MYMX: variants seen among roughly 807,000 people sequenced by gnomAD.
MYMX encodes myomixer, myoblast fusion factor, also known as protein myomixer.
At chr6:44,195,897 A>T in the MYMX span, among the ~76,000 whole-genome samples, 3 of 151,734 alleles carry the variant, frequency 2.0e-5, no homozygotes, top group Non-Finnish European at 2.9e-5. Flanking sequence ...GTTGTTTCTA[A>T]TTTTTTTTGT....
the MYMX span, among the ~76,000 whole-genome samples, chr6:44,198,454 C>T: frequency 5.0e-4 from 76 of 151,744 alleles, no homozygotes; most frequent in African/African-American, 1.7e-3. Context: ...CGTGAGCCAC[C>T]GTGCCTGGCC....
At chr6:44,200,923 C>A in the MYMX span, among the ~76,000 whole-genome samples, 1 of 152,154 alleles carries the variant, frequency 6.6e-6, no homozygotes, top group East Asian at 1.9e-4. Flanking sequence ...ATACAAGCTC[C>A]TTTCCTGGGC....
upstream of MYMX, among the ~76,000 whole-genome samples, chr6:44,215,891 T>C (rs1256658281): frequency 6.6e-6 from 1 of 152,106 alleles, no homozygotes; most frequent in East Asian, 1.9e-4. Context: ...TGAGACTCCG[T>C]CTCAAATAAT....
At chr6:44,199,142 G>A in the MYMX span, among the ~76,000 whole-genome samples, 1 of 152,088 alleles carries the variant, frequency 6.6e-6, no homozygotes, top group Non-Finnish European at 1.5e-5. Context: ...CATATTACCA[G>A]ATTGGCCAGA....
chr6:44,194,084 C>T, the MYMX span, among the ~76,000 whole-genome samples: 1 of 152,272 alleles, frequency 6.6e-6, no homozygotes, highest in Non-Finnish European at 1.5e-5. Flanking sequence ...AAGAACTATT[C>T]CAATATTTTC....
At chr6:44,207,039 G>A in the MYMX span, among the ~76,000 whole-genome samples, 1 of 152,204 alleles carries the variant, frequency 6.6e-6, no homozygotes, top group African/African-American at 2.4e-5. Flanking sequence ...CCCAGAGAGA[G>A]GACAACTGCT....
the MYMX span, among the ~76,000 whole-genome samples, chr6:44,200,526 G>A: frequency 1.3e-5 from 2 of 151,990 alleles, no homozygotes; most frequent in Non-Finnish European, 2.9e-5. Context: ...TGTTGGTCAG[G>A]CTGGTCTCAA....
chr6:44,203,863 T>A, the MYMX span, among the ~76,000 whole-genome samples: 1 of 152,206 alleles, frequency 6.6e-6, no homozygotes, highest in East Asian at 1.9e-4. Flanking sequence ...TTTATTTATT[T>A]TTGAGACAGA....
the MYMX span, among the ~76,000 whole-genome samples, chr6:44,192,920 A>G: frequency 1.3e-5 from 2 of 152,174 alleles, no homozygotes; most frequent in African/African-American, 4.8e-5. Flanking sequence ...GTGTTGACTA[A>G]AGCAACCAAT....
chr6:44,213,186 C>G (rs1445488077), upstream of MYMX, among the ~76,000 whole-genome samples: 1 of 151,710 alleles, frequency 6.6e-6, no homozygotes, highest in Admixed American at 6.6e-5. Context: ...GAGATTAAGA[C>G]CATTCTGGCC....
upstream of MYMX, among the ~76,000 whole-genome samples, chr6:44,213,602 A>C (rs936095651): frequency 1.3e-5 from 2 of 151,026 alleles, no homozygotes; most frequent in African/African-American, 4.9e-5. Flanking sequence ...TTGTATTTTT[A>C]GTAGAGACAG....
chr6:44,209,558 G>T, the MYMX span, among the ~76,000 whole-genome samples: 2 of 152,188 alleles, frequency 1.3e-5, no homozygotes, highest in Non-Finnish European at 2.9e-5. Context: ...CATAATTGTT[G>T]CCCAAGCATA....
At chr6:44,196,763 A>T in the MYMX span, among the ~76,000 whole-genome samples, 2 of 152,174 alleles carry the variant, frequency 1.3e-5, no homozygotes, top group South Asian at 2.1e-4. Flanking sequence ...GTTCAAGACC[A>T]GCCTGACCAA....
the MYMX span, among the ~76,000 whole-genome samples, chr6:44,208,990 G>T: frequency 6.6e-6 from 1 of 152,174 alleles, no homozygotes; most frequent in Non-Finnish European, 1.5e-5. Context: ...TTGAGACAGG[G>T]TCTTGCTCTG....
chr6:44,195,733 T>G, the MYMX span, among the ~76,000 whole-genome samples: 1 of 152,234 alleles, frequency 6.6e-6, no homozygotes, highest in South Asian at 2.1e-4. Context: ...CATATCCTTT[T>G]GCCATTTGGT....
chr6:44,195,189 T>C, the MYMX span, among the ~76,000 whole-genome samples: 592 of 152,190 alleles, frequency 3.9e-3, 4 homozygotes, highest in African/African-American at 0.013. Flanking sequence ...CAGCTAATTT[T>C]TGTAATTTTA....
chr6:44,198,081 T>C, the MYMX span, among the ~76,000 whole-genome samples: 1 of 151,706 alleles, frequency 6.6e-6, no homozygotes, highest in Non-Finnish European at 1.5e-5. Flanking sequence ...ATTCTCATAA[T>C]TTAAAAAATT....
chr6:44,203,662 G>A, the MYMX span, among the ~76,000 whole-genome samples: 3,163 of 152,172 alleles, frequency 0.021, 95 homozygotes, highest in African/African-American at 0.072. Context: ...CCAAAATAAG[G>A]CAGTTTTTGT....
chr6:44,200,854 A>G, the MYMX span, among the ~76,000 whole-genome samples: 3 of 151,922 alleles, frequency 2.0e-5, no homozygotes, highest in South Asian at 6.2e-4. Flanking sequence ...CTGTCAGCTG[A>G]GTGGGGGGTG....
Sources: gnomAD v4.1 joint callset for allele counts (sites outside exome capture counted in the v4.1 genomes callset) on GRCh38, gnomAD v4.1.1 for gene constraint, MANE v1.5 for transcripts, NCBI Gene and HGNC (gene_info 2026-07-23, HGNC 2026-07-21) for gene names.